Variants in ENTPD5 observed in about 807,000 individuals in gnomAD.
ENTPD5 encodes ectonucleoside triphosphate diphosphohydrolase 5 (inactive).
Under a neutral mutation model 60.2 loss-of-function variants are expected in ENTPD5, and 49 were observed. The ratio of observed to expected loss-of-function variants is 0.81; its 90% CI spans 0.65 to 1.03. The LOEUF (loss-of-function observed/expected upper bound fraction) is 1.03, where lower values mean the gene tolerates loss of function less well. ENTPD5 is among the 50% of genes least tolerant of loss of function. ENTPD5 has a pLI of 0.00. For missense variants in ENTPD5, 480 were observed against 507.6 expected (o/e 0.95, Z 0.52); for synonymous variants, 187 against 185.4 (o/e 1.01, Z -0.07).
downstream of ENTPD5, chr14:73,956,403 A>G (rs1193118009): frequency 6.0e-6 from 1 of 166,718 alleles, no homozygotes; most frequent in African/African-American, 2.4e-5. Context: ...TGGGTCATAT[A>G]ATAATTCTAT....
intron 3 of ENTPD5, among the ~76,000 whole-genome samples, chr14:74,004,291 C>T (rs747659738): frequency 1.3e-5 from 2 of 151,974 alleles, no homozygotes; most frequent in African/African-American, 4.8e-5. Flanking sequence ...TCACAGCCTC[C>T]GAAGTAGCTG....
chr14:73,982,099 C>G lies in ENTPD5; in HGVS notation c.441+919G>C, dbSNP rs370757603. Among the ~76,000 whole-genome samples, 6 of 152,194 alleles carry G rather than the reference C, an allele frequency of 3.9e-5. No homozygotes were observed. The East Asian group carries it at 1.2e-3, about 29-fold the overall frequency. On this transcript the variant is annotated intron_variant, in intron 6 of 15. Transcript: ENST00000334696. ...TTTTGTTTGTTTGTTTTTTGAGATGCAGTCTCGCTCTGTTGCGCAGGCTGG... is the reference window on the plus strand; with the variant it reads ...TTTTGTTTGTTTGTTTTTTGAGATGGAGTCTCGCTCTGTTGCGCAGGCTGG...
downstream of ENTPD5, chr14:73,960,562 G>A: frequency 2.0e-6 from 2 of 1,010,338 alleles, no homozygotes; most frequent in Non-Finnish European, 1.2e-6. Flanking sequence ...ATATATTCCT[G>A]GCACAGGTCT....
rs1341523271 is a variant in ENTPD5, at chr14:73,972,976, C to T, written c.935G>A (p.Arg312Gln). ...PCYAEVLRVVRGKLHQPEEVQ... is the reference protein window; with the variant it reads ...PCYAEVLRVVQGKLHQPEEVQ... Reference sequence around the variant, plus strand: ...CTCCTCTGGCTGGTGAAGTTTTCCTCGTACCACCCTCAGCACTTCGGCATA... The same window carrying T: ...CTCCTCTGGCTGGTGAAGTTTTCCTTGTACCACCCTCAGCACTTCGGCATA... The change falls in exon 13 of 16, where the codon CGA becomes CAA. Residue 312 changes from arginine (R) to glutamine (Q), a missense_variant. Arg to Gln is a conservative substitution (Grantham distance 43). Transcript: ENST00000334696. 20 of 1,614,096 alleles carry T rather than the reference C, an allele frequency of 1.2e-5. No homozygotes were observed. Among genetic ancestry groups the T allele is most frequent in the Middle Eastern group, 1.6e-4 (1 of 6,084 alleles).
chr14:73,988,209 C>CA (rs2140644099), intron 3 of ENTPD5, 37 bp from the exon 4 acceptor site: 1 of 1,461,370 alleles, frequency 6.8e-7, no homozygotes, highest in African/African-American at 1.4e-5. Context: ...GACCAACTAG[C>CA]TTTTTTAGTT....
At chr14:73,955,689 A>G, downstream of ENTPD5, 1 of 1,518,602 alleles carries the variant, frequency 6.6e-7, no homozygotes. Context: ...TTTTCCTACC[A>G]GAGAGGCTGA....
intron 5 of ENTPD5, chr14:73,986,611 C>T (rs1489389386): frequency 1.8e-6 from 1 of 562,644 alleles, no homozygotes; most frequent in Non-Finnish European, 3.2e-6. Flanking sequence ...TTACCACAAC[C>T]AATTTTCTAG....
intron 10 of ENTPD5, among the ~76,000 whole-genome samples, chr14:73,975,431 G>GTC (rs2057399317): frequency 7.1e-6 from 1 of 141,176 alleles, no homozygotes; most frequent in Non-Finnish European, 1.5e-5. Flanking sequence ...TTGAGACTGA[G>GTC]TCTTGCTCTG....
At chr14:74,005,192 G>A (rs8019320) in intron 3 of ENTPD5, among the ~76,000 whole-genome samples, 2,636 of 149,354 alleles carry the variant, frequency 0.018, 75 homozygotes, top group African/African-American at 0.062. Context: ...CTTGAACCCG[G>A]GAGATGGAGG....
At chr14:73,955,718 T>C (rs149268455), downstream of ENTPD5, 238 of 1,590,926 alleles carry the variant, frequency 1.5e-4, no homozygotes, top group African/African-American at 2.8e-3. Flanking sequence ...GATTTTCTGC[T>C]CTGTCACTTG....
chr14:74,017,745 G>A (rs1047698485), intron 1 of ENTPD5, among the ~76,000 whole-genome samples: 6 of 149,630 alleles, frequency 4.0e-5, no homozygotes, highest in African/African-American at 1.5e-4. Context: ...AATTAGCCTG[G>A]CATGGTGGCA....
At chr14:73,959,184 G>A (rs761536538), downstream of ENTPD5, 2 of 1,614,184 alleles carry the variant, frequency 1.2e-6, no homozygotes, top group Non-Finnish European at 1.7e-6. Context: ...AACGTAGCCT[G>A]GCAGAGATTT....
At chr14:73,978,047 A>G (rs1161601346) in intron 6 of ENTPD5, among the ~76,000 whole-genome samples, 3 of 152,214 alleles carry the variant, frequency 2.0e-5, no homozygotes, top group African/African-American at 7.2e-5. Flanking sequence ...GAAGAACGCT[A>G]GTCTGTTTGC....
intron 3 of ENTPD5, among the ~76,000 whole-genome samples, chr14:74,005,161 G>A (rs112897606): frequency 0.013 from 1,954 of 150,806 alleles, 46 homozygotes; most frequent in African/African-American, 0.045. Flanking sequence ...AGCTACTCGG[G>A]AGGCTGAGGC....
At chr14:74,005,465 G>A (rs1265567022) in intron 3 of ENTPD5, among the ~76,000 whole-genome samples, 1 of 151,554 alleles carries the variant, frequency 6.6e-6, no homozygotes, top group Non-Finnish European at 1.5e-5. Flanking sequence ...CTCTCAACAT[G>A]CTAGGATTAC....
In ENTPD5 at chr14:73,965,203, T is replaced by C. The variant is rs1399165092; in HGVS notation, c.*1725A>G. The C allele has an allele frequency of 3.3e-5, 5 of 152,144 alleles. No individual in the cohort carries two copies. Among genetic ancestry groups the C allele is most frequent in the Admixed American group, 6.5e-5 (1 of 15,274 alleles). The allele number at this position is 152,144 out of a possible 1,614,324, so 9.4% of individuals were successfully genotyped here. ...AATATTTATTGACTCAATGGAGTAATGTTAAAAATAAGGTTTCCCATGGAC... is the reference window on the plus strand; with the variant it reads ...AATATTTATTGACTCAATGGAGTAACGTTAAAAATAAGGTTTCCCATGGAC... On this transcript the variant is annotated 3_prime_UTR_variant, in exon 16 of 16. Coordinates refer to ENST00000334696, the MANE Select transcript of ENTPD5 (RefSeq NM_001249.5).
In ENTPD5 at chr14:73,997,275, G is replaced by A. The variant is rs544894900; in HGVS notation, c.-70-9103C>T. On this transcript the variant is annotated intron_variant, in intron 3 of 15. Transcript: ENST00000334696. ...AGCAGAGAATCAGATTTCAAAAGGA[G>A]TGGACTTGTTTTCCTTTCCCATAGT... Among the ~76,000 whole-genome samples the A allele has an allele frequency of 1.7e-4, 26 of 152,252 alleles. No homozygotes were observed. In the South Asian group the frequency reaches 5.2e-3, roughly 30 times the overall value.
chr14:73,959,182 C>T (rs1290427342), downstream of ENTPD5: 1 of 1,614,232 alleles, frequency 6.2e-7, no homozygotes, highest in Non-Finnish European at 8.5e-7. Flanking sequence ...ACAACGTAGC[C>T]TGGCAGAGAT....
At chr14:74,018,140 CA>C (rs1161151536) in intron 1 of ENTPD5, among the ~76,000 whole-genome samples, 1 of 150,926 alleles carries the variant, frequency 6.6e-6, no homozygotes, top group African/African-American at 2.4e-5. Flanking sequence ...CGAGATGCCC[CA>C]CTGCACTCCA....
Sources: allele counts gnomAD v4.1 joint callset (sites outside exome capture counted in the v4.1 genomes callset), GRCh38; gene constraint gnomAD v4.1.1; transcripts MANE v1.5; gene names NCBI Gene and HGNC (gene_info 2026-07-23, HGNC 2026-07-21).